CEP85L: variants seen among roughly 807,000 people sequenced by gnomAD.
The protein encoded by CEP85L is centrosomal protein of 85 kDa-like.
CEP85L carries 60 observed loss-of-function variants against 100.3 expected under a neutral mutation model. The ratio of observed to expected loss-of-function variants is 0.60; its 90% CI spans 0.49 to 0.74. The LOEUF is 0.74. Ranked by LOEUF, CEP85L falls within the 30% of genes least tolerant of loss-of-function variation. The pLI is 0.00. For synonymous variants in CEP85L, 319 were observed against 322.7 expected, an observed-to-expected ratio of 0.99 and a Z score of 0.12; for missense variants, 973 against 936.2, an observed-to-expected ratio of 1.04 and a Z score of -0.51.
Position 118,689,916 on chromosome 6 carries a change from C to CTTTT in CEP85L, c.-28+20116_-28+20119dup, listed in dbSNP as rs34964907. Among the ~76,000 whole-genome samples, 518 of 136,204 alleles carry CTTTT rather than the reference C, an allele frequency of 3.8e-3. 6 individuals carry two copies. The highest frequency in any genetic ancestry group is 5.7e-3 in the Non-Finnish European group (362 of 63,320). The allele number at this position is 136,204 out of a possible 152,430, so 89.4% of individuals were successfully genotyped here. ...AGTTTTACATGCTAATCCCTGCCTG[C>CTTTT]TTTTTTTTTTTTTTTTTAATAGGGC... On this transcript the variant is annotated intron_variant, in intron 1 of 13. Transcript: ENST00000368488.
intron 1 of CEP85L, among the ~76,000 whole-genome samples, chr6:118,696,139 C>A (rs1000443501): frequency 2.6e-5 from 4 of 152,060 alleles, no homozygotes; most frequent in African/African-American, 9.7e-5. Flanking sequence ...GATGTGGTGG[C>A]ACATGCCTGT....
intron 3 of CEP85L, among the ~76,000 whole-genome samples, chr6:118,531,493 A>C (rs1777289815): frequency 6.6e-6 from 1 of 152,178 alleles, no homozygotes; most frequent in African/African-American, 2.4e-5. Flanking sequence ...AATCACAACA[A>C]AACCAAAAGT....
chr6:118,548,063 A>C (rs1028697905), intron 3 of CEP85L, among the ~76,000 whole-genome samples: 9 of 152,038 alleles, frequency 5.9e-5, no homozygotes, highest in Admixed American at 1.3e-4. Context: ...GCTTTCCACC[A>C]CCTCAAGTTT....
intron 5 of CEP85L, 115 bp downstream of exon 5, chr6:118,511,183 A>G: frequency 1.4e-6 from 1 of 708,628 alleles, no homozygotes; most frequent in Non-Finnish European, 2.4e-6. Context: ...AAATAAATAT[A>G]AATCATGTGA....
rs568937389 is a variant in CEP85L, at chr6:118,525,439, G to C, written c.1021-1519C>G. On this transcript the variant is annotated intron_variant, in intron 3 of 12. Transcript: ENST00000368491. ...AATAGGGTCTTTGCAGATGAGTCAA[G>C]CTAAGATGAGCTCCTTAAGGTAAGG... Among the ~76,000 whole-genome samples the C allele has an allele frequency of 2.6e-5, 4 of 152,290 alleles. No homozygotes were observed. In the South Asian group the frequency reaches 8.3e-4, roughly 32 times the overall value.
chr6:118,634,352 T>C (rs1351449435), intron 1 of CEP85L, among the ~76,000 whole-genome samples: 1 of 152,216 alleles, frequency 6.6e-6, no homozygotes, highest in African/African-American at 2.4e-5. Flanking sequence ...GCTACCTCTA[T>C]CATACTAAGC....
chr6:118,639,245 C>T (rs1430099076), intron 1 of CEP85L, among the ~76,000 whole-genome samples: 1 of 152,154 alleles, frequency 6.6e-6, no homozygotes, highest in East Asian at 1.9e-4. Flanking sequence ...GCACAAAGAA[C>T]CTATTCTGCT....
intron 2 of CEP85L, among the ~76,000 whole-genome samples, chr6:118,591,526 C>T (rs1337624996): frequency 6.6e-6 from 1 of 152,130 alleles, no homozygotes; most frequent in Non-Finnish European, 1.5e-5. Flanking sequence ...TAGGGTGTAA[C>T]TTTGTAACTT....
At chr6:118,534,221 C>A (rs531681049) in intron 3 of CEP85L, among the ~76,000 whole-genome samples, 1 of 151,936 alleles carries the variant, frequency 6.6e-6, no homozygotes, top group African/African-American at 2.4e-5. Context: ...TTTTAAAAAA[C>A]CAATTATATT....
Position 118,578,547 on chromosome 6 carries a change from T to C in CEP85L, c.233-12231A>G, listed in dbSNP as rs569086370. On this transcript the variant is annotated intron_variant, in intron 2 of 12. Coordinates refer to ENST00000368491, the MANE Select transcript of CEP85L (RefSeq NM_001042475.3). ...GAGATTGAGACCATCCCAGCCAACA[T>C]GGTGAAACTTGTCTCTACTAAAAAT... 1.0e-3 allele frequency among the ~76,000 whole-genome samples: 158 copies of C among 152,040 alleles called. 2 individuals carry two copies. The highest frequency in any genetic ancestry group is 8.3e-4 in the South Asian group (4 of 4,808).
chr6:118,601,008 C>T (rs991402716), intron 2 of CEP85L, among the ~76,000 whole-genome samples: 1 of 152,154 alleles, frequency 6.6e-6, no homozygotes, highest in African/African-American at 2.4e-5. Flanking sequence ...TCTTATTTTT[C>T]ACTAAACGAT....
chr6:118,624,019 C>T (rs139171300), intron 2 of CEP85L, among the ~76,000 whole-genome samples: 13 of 152,248 alleles, frequency 8.5e-5, no homozygotes, highest in African/African-American at 2.2e-4. Flanking sequence ...ACCTTGGACA[C>T]CCCTTGAGGA....
At chr6:118,646,300 CTT>C (rs80153509) in intron 1 of CEP85L, among the ~76,000 whole-genome samples, 24,704 of 98,650 alleles carry the variant, frequency 0.25, 2,124 homozygotes, top group South Asian at 0.31. Context: ...ATAAATTGCT[CTT>C]CTTAGAATAT....
At chr6:118,636,715 C>A (rs948923611) in intron 1 of CEP85L, among the ~76,000 whole-genome samples, 3 of 152,154 alleles carry the variant, frequency 2.0e-5, no homozygotes, top group Non-Finnish European at 4.4e-5. Context: ...CTGCCTGATC[C>A]CCTTTGATTA....
At chr6:118,501,807 G>A (rs1054791409) in intron 5 of CEP85L, 2 of 1,155,594 alleles carry the variant, frequency 1.7e-6, no homozygotes, top group African/African-American at 2.0e-5. Context: ...GAGGCTGCTG[G>A]CTGAGAGAGA....
intron 1 of CEP85L, among the ~76,000 whole-genome samples, chr6:118,682,487 G>A (rs1776697467): frequency 6.6e-6 from 1 of 151,876 alleles, no homozygotes; most frequent in Admixed American, 6.6e-5. Flanking sequence ...CAGAAACACA[G>A]GCTGTCTACA....
At chr6:118,681,930 G>A (rs1014842452) in intron 1 of CEP85L, among the ~76,000 whole-genome samples, 18 of 151,938 alleles carry the variant, frequency 1.2e-4, no homozygotes, top group African/African-American at 3.6e-4. Context: ...TAGTAGAGAC[G>A]GGGTTTCGCC....
At chr6:118,507,423 C>A (rs1045906319) in intron 5 of CEP85L, among the ~76,000 whole-genome samples, 1 of 152,170 alleles carries the variant, frequency 6.6e-6, no homozygotes, top group East Asian at 1.9e-4. Context: ...ATAACATCTA[C>A]CTTAAATCCA....
intron 2 of CEP85L, among the ~76,000 whole-genome samples, chr6:118,567,201 ATATATG>A (rs1355565130): frequency 4.6e-5 from 5 of 108,666 alleles, no homozygotes; most frequent in African/African-American, 1.6e-4. Context: ...ATGTATGAAT[ATATATG>A]TATGTGTGTG....
Sources: allele counts gnomAD v4.1 joint callset (sites outside exome capture counted in the v4.1 genomes callset), GRCh38; gene constraint gnomAD v4.1.1; transcripts MANE v1.5; gene names NCBI Gene and HGNC (gene_info 2026-07-23, HGNC 2026-07-21).